Variants in NEIL3 observed in about 807,000 individuals in gnomAD.
NEIL3 encodes nei like DNA glycosylase 3.
In NEIL3, 48 loss-of-function variants were observed where a neutral mutation model predicts 57.5. The observed-to-expected ratio is 0.83, with a 90% CI of 0.66 to 1.06. The LOEUF is 1.06. Ranked by LOEUF, NEIL3 falls within the 50% of genes least tolerant of loss-of-function variation. The probability of loss-of-function intolerance (pLI) is 0.00; values close to 1 mark genes in which losing one functional copy is unlikely to be tolerated. For synonymous variants in NEIL3, 261 were observed against 253.2 expected (o/e 1.03, Z -0.29); for missense variants, 717 against 739.1 (o/e 0.97, Z 0.35).
Position 177,355,120 on chromosome 4 carries a change from C to A in NEIL3, c.1460+1392C>A, listed in dbSNP as rs183944768. ...TCCAACACAGGACACATTTCTCCACCATTTTCTTTTCTCAGCTGCTTTCTT... is the reference window on the plus strand; with the variant it reads ...TCCAACACAGGACACATTTCTCCACAATTTTCTTTTCTCAGCTGCTTTCTT... On this transcript the variant is annotated intron_variant, in intron 8 of 9. Coordinates refer to ENST00000264596, the MANE Select transcript of NEIL3 (RefSeq NM_018248.3). 3.9e-5 allele frequency among the ~76,000 whole-genome samples: 6 copies of A among 152,304 alleles called. No individual in the cohort carries two copies. The East Asian group carries it at 1.2e-3, about 29-fold the overall frequency.
chr4:177,351,582 A>G, intron 7 of NEIL3, 33 bp downstream of exon 7: 1 of 1,555,820 alleles, frequency 6.4e-7, no homozygotes. Flanking sequence ...AGTTTGTTAC[A>G]TTTCTAAGAG....
chr4:177,315,771 A>C (rs780567848), intron 1 of NEIL3, among the ~76,000 whole-genome samples: 4 of 152,234 alleles, frequency 2.6e-5, no homozygotes, highest in Non-Finnish European at 5.9e-5. Flanking sequence ...AGATATATCC[A>C]GGTGCTTGCA....
chr4:177,336,858 G>A (rs1734987887), intron 4 of NEIL3, among the ~76,000 whole-genome samples: 1 of 152,142 alleles, frequency 6.6e-6, no homozygotes, highest in Non-Finnish European at 1.5e-5. Context: ...ACAGCTGTTG[G>A]TGACATTAGA....
At chr4:177,363,419 T>C (rs113526455), downstream of NEIL3, among the ~76,000 whole-genome samples, 1,540 of 152,322 alleles carry the variant, frequency 0.01, 37 homozygotes, top group African/African-American at 0.035. Context: ...GTTTTGACTC[T>C]ACACTGAAAA....
At chr4:177,354,196 T>C (rs2110933783) in intron 8 of NEIL3, 1 of 152,738 alleles carries the variant, frequency 6.5e-6, no homozygotes, top group Admixed American at 6.5e-5. Flanking sequence ...TAGATTATAA[T>C]GTTAGAGAAG....
chr4:177,366,650 C>T (rs963055767), downstream of NEIL3, among the ~76,000 whole-genome samples: 10 of 152,190 alleles, frequency 6.6e-5, no homozygotes, highest in South Asian at 6.2e-4. Flanking sequence ...CTGCCTGCCT[C>T]GGCCTCCCAA....
Position 177,362,544 on chromosome 4 carries a change from A to G in NEIL3, c.*73A>G, listed in dbSNP as rs896781125. The stretch of plus-strand genomic sequence containing the variant: ...TTTGGTCCTCCTCTGTTTCATAGAA[A>G]AGTCATAGAATATCTATGATACATT... On this transcript the variant is annotated 3_prime_UTR_variant, in exon 10 of 10. Transcript: ENST00000264596. 3.0e-5 allele frequency: 36 copies of G among 1,186,924 alleles called. 1 individual carries two copies. The South Asian group carries it at 4.2e-4, about 14-fold the overall frequency. 73.5% of individuals were successfully genotyped at this position (1,186,924 alleles called of 1,614,324 possible).
chr4:177,348,583 C>T lies in NEIL3; in HGVS notation c.870-2797C>T. Among the ~76,000 whole-genome samples, 2 of 152,056 alleles carry T rather than the reference C, an allele frequency of 1.3e-5. 1 individual carries two copies. Among genetic ancestry groups the T allele is most frequent in the East Asian group, 3.9e-4 (2 of 5,168 alleles). On this transcript the variant is annotated intron_variant, in intron 6 of 9. Transcript: ENST00000264596. ...ACCGCTGCCTGCAATCCTCTGAGTC[C>T]CCAGCATGTGGTCGAGTTATGGCTC...
chr4:177,337,823 A>C (rs188133238), intron 4 of NEIL3, among the ~76,000 whole-genome samples: 32 of 152,280 alleles, frequency 2.1e-4, no homozygotes, highest in Middle Eastern at 3.4e-3. Flanking sequence ...TGGTGAAACC[A>C]TCCTGGCCAA....
Position 177,362,345 on chromosome 4 carries a change from AGTAT to A in NEIL3, c.1693_1696del (p.Val565Ter), listed in dbSNP as rs1308376321. The A allele has an allele frequency of 2.5e-6, 4 of 1,612,536 alleles. No individual in the cohort carries two copies. In the South Asian group the frequency reaches 4.4e-5, roughly 18 times the overall value. ...ATGGCAAGCGTTCCACCATGAAAAC[AGTAT>A]TGAAGATTGGACCTAACAATGGAAA... On this transcript the variant is annotated frameshift_variant, in exon 10 of 10. Transcript: ENST00000264596. LOFTEE classifies it high-confidence loss of function.
chr4:177,351,284 G>C (rs1735345641), intron 6 of NEIL3, 96 bp from the exon 7 acceptor site: 1 of 615,628 alleles, frequency 1.6e-6, no homozygotes, highest in South Asian at 2.1e-5. Context: ...TAAAGAGATA[G>C]CATTGGGGTA....
chr4:177,365,189 G>C (rs1332618421), downstream of NEIL3, among the ~76,000 whole-genome samples: 1 of 152,048 alleles, frequency 6.6e-6, no homozygotes, highest in Non-Finnish European at 1.5e-5. Context: ...CTGGACACTG[G>C]GTTCCTACCA....
intron 2 of NEIL3, among the ~76,000 whole-genome samples, chr4:177,329,089 C>A (rs1204327631): frequency 1.3e-5 from 2 of 151,758 alleles, no homozygotes; most frequent in East Asian, 3.9e-4. Context: ...AAACCTAGAG[C>A]AACTACTTAA....
chr4:177,320,946 A>G (rs1237827255), intron 1 of NEIL3, among the ~76,000 whole-genome samples: 4 of 151,500 alleles, frequency 2.6e-5, no homozygotes, highest in African/African-American at 9.7e-5. Flanking sequence ...TAGTGGAAGA[A>G]TAGTGTCTGT....
intron 6 of NEIL3, among the ~76,000 whole-genome samples, chr4:177,344,229 C>T (rs1735164512): frequency 6.6e-6 from 1 of 152,138 alleles, no homozygotes; most frequent in Admixed American, 6.5e-5. Context: ...CAACTATACA[C>T]TGTGAAATAA....
At chr4:177,315,261 T>A (rs1031680515) in intron 1 of NEIL3, among the ~76,000 whole-genome samples, 1 of 152,182 alleles carries the variant, frequency 6.6e-6, no homozygotes, top group Non-Finnish European at 1.5e-5. Flanking sequence ...TGTCCATCCA[T>A]GGATAGGCAG....
At chr4:177,367,910 G>A (rs1345247072), downstream of NEIL3, among the ~76,000 whole-genome samples, 1 of 152,142 alleles carries the variant, frequency 6.6e-6, no homozygotes. Flanking sequence ...AGACTTTGTT[G>A]CTGTTGTTGT....
chr4:177,327,959 T>A (rs534372139), intron 2 of NEIL3, among the ~76,000 whole-genome samples: 1 of 152,308 alleles, frequency 6.6e-6, no homozygotes, highest in East Asian at 1.9e-4. Flanking sequence ...AATATTTTAT[T>A]GAGGACTTTT....
chr4:177,343,770 G>T (rs1735152422), intron 6 of NEIL3: 2 of 147,794 alleles, frequency 1.4e-5, no homozygotes, highest in Non-Finnish European at 3.0e-5. Context: ...CACACTTAAT[G>T]GTTTTTAAAT....
Sources: allele counts gnomAD v4.1 joint callset (sites outside exome capture counted in the v4.1 genomes callset), GRCh38; gene constraint gnomAD v4.1.1; transcripts MANE v1.5; gene names NCBI Gene and HGNC (gene_info 2026-07-23, HGNC 2026-07-21).